The following NUDCD3 variants were observed in gnomAD, a reference collection of about 807,000 sequenced individuals.
The protein encoded by NUDCD3 is NudC domain containing 3, also known as nudC domain-containing protein 3.
Under a neutral mutation model 39.7 loss-of-function variants are expected in NUDCD3, and 13 were observed. The ratio of observed to expected loss-of-function variants is 0.33; its 90% CI spans 0.21 to 0.52. The LOEUF (loss-of-function observed/expected upper bound fraction) is 0.52. Ranked by LOEUF, NUDCD3 falls within the 20% of genes least tolerant of loss-of-function variation. NUDCD3 has a pLI of 0.96. For synonymous variants in NUDCD3, 175 were observed against 172.4 expected, an observed-to-expected ratio of 1.02 and a Z score of -0.12; for missense variants, 453 against 458.1, an observed-to-expected ratio of 0.99 and a Z score of 0.10.
chr7:44,474,703 A>C (rs1015843814), intron 2 of NUDCD3, among the ~76,000 whole-genome samples: 4 of 152,248 alleles, frequency 2.6e-5, no homozygotes, highest in African/African-American at 9.6e-5. Context: ...CAAAATAAAA[A>C]TAAACTGCAA....
At chr7:44,474,882 A>C (rs1800331330) in intron 2 of NUDCD3, among the ~76,000 whole-genome samples, 1 of 152,148 alleles carries the variant, frequency 6.6e-6, no homozygotes, top group Non-Finnish European at 1.5e-5. Context: ...TGGAAAGGTG[A>C]AATAGCAGCT....
intron 2 of NUDCD3, among the ~76,000 whole-genome samples, chr7:44,449,093 G>C (rs1258938675): frequency 2.0e-5 from 3 of 152,158 alleles, no homozygotes; most frequent in African/African-American, 7.2e-5. Context: ...TATGGCTTCA[G>C]GCTCTGGGAA....
chr7:44,419,244 C>T (rs537302885), intron 3 of NUDCD3, among the ~76,000 whole-genome samples: 2 of 152,256 alleles, frequency 1.3e-5, no homozygotes, highest in Non-Finnish European at 2.9e-5. Context: ...GAACTCAACA[C>T]AGCGTGGCAA....
At chr7:44,480,296 AAAC>A (rs1456581499) in intron 2 of NUDCD3, among the ~76,000 whole-genome samples, 1 of 152,230 alleles carries the variant, frequency 6.6e-6, no homozygotes, top group Non-Finnish European at 1.5e-5. Context: ...AAAATTAATA[AAAC>A]AAAATAAATG....
At chr7:44,468,547 G>A (rs904663700) in intron 2 of NUDCD3, among the ~76,000 whole-genome samples, 2 of 152,014 alleles carry the variant, frequency 1.3e-5, no homozygotes, top group African/African-American at 4.8e-5. Flanking sequence ...GAAGTAAAAA[G>A]ATAAATGTAA....
chr7:44,389,614 C>A (rs558183352), intron 5 of NUDCD3, among the ~76,000 whole-genome samples: 1 of 152,304 alleles, frequency 6.6e-6, no homozygotes, highest in South Asian at 2.1e-4. Flanking sequence ...AACTGCAAAG[C>A]AGGACTGAAA....
At chr7:44,472,683 T>C (rs948033108) in intron 2 of NUDCD3, among the ~76,000 whole-genome samples, 3 of 152,240 alleles carry the variant, frequency 2.0e-5, no homozygotes, top group African/African-American at 4.8e-5. Context: ...GGTTTAGTAT[T>C]TGTAGATACA....
chr7:44,462,940 C>T (rs1800043666), intron 2 of NUDCD3, among the ~76,000 whole-genome samples: 1 of 132,760 alleles, frequency 7.5e-6, no homozygotes, highest in Admixed American at 7.9e-5. Flanking sequence ...CAAGACACAA[C>T]CAGGCTGTGT....
At chr7:44,435,579 G>A (rs1799449623) in intron 2 of NUDCD3, among the ~76,000 whole-genome samples, 1 of 152,234 alleles carries the variant, frequency 6.6e-6, no homozygotes, top group African/African-American at 2.4e-5. Context: ...CATAGGAACT[G>A]TAATTTCAGA....
At chr7:44,435,056 G>A (rs1022954684) in intron 2 of NUDCD3, among the ~76,000 whole-genome samples, 1 of 152,174 alleles carries the variant, frequency 6.6e-6, no homozygotes, top group Non-Finnish European at 1.5e-5. Context: ...CATTTGGAGA[G>A]AGAAGTTATG....
chr7:44,476,864 A>G (rs1800381301), intron 2 of NUDCD3, among the ~76,000 whole-genome samples: 10 of 152,312 alleles, frequency 6.6e-5, no homozygotes, highest in Admixed American at 5.9e-4. Flanking sequence ...TGCTGGGGAA[A>G]GCGGAGGGAT....
Position 44,407,028 on chromosome 7 carries a change from A to G in NUDCD3, c.643-2445T>C, listed in dbSNP as rs149351335. Among the ~76,000 whole-genome samples the G allele has an allele frequency of 5.8e-3, 887 of 152,214 alleles. 8 individuals carry two copies. The highest frequency in any genetic ancestry group is 0.02 in the African/African-American group (834 of 41,528). ...TCTGTTTGCTACAGAAGAATGGAGG[A>G]CCTTGCTCCAAAGACACTGACCAGC... On this transcript the variant is annotated intron_variant, in intron 3 of 5. Transcript: ENST00000355451.
chr7:44,478,396 T>C (rs931930401), intron 2 of NUDCD3, among the ~76,000 whole-genome samples: 4 of 151,988 alleles, frequency 2.6e-5, no homozygotes, highest in African/African-American at 4.8e-5. Context: ...ACTAAAAAAA[T>C]ACAAAAATTA....
chr7:44,478,951 T>C (rs1800435119), intron 2 of NUDCD3, among the ~76,000 whole-genome samples: 1 of 152,192 alleles, frequency 6.6e-6, no homozygotes, highest in Non-Finnish European at 1.5e-5. Context: ...GAGGTTTAAT[T>C]GACTCGCAGT....
rs540251084 is a variant in NUDCD3, at chr7:44,407,217, C to A, written c.643-2634G>T. The stretch of plus-strand genomic sequence containing the variant: ...AGGTTTCAGACACACAGTAGACAAA[C>A]CCATCAATACGGTCCCACACTCAAG... On this transcript the variant is annotated intron_variant, in intron 3 of 5. Coordinates refer to ENST00000355451, the MANE Select transcript of NUDCD3 (RefSeq NM_015332.4). Among the ~76,000 whole-genome samples the A allele has an allele frequency of 9.3e-5, 14 of 151,094 alleles. No homozygotes were observed. The South Asian group carries it at 3.0e-3, about 32-fold the overall frequency.
chr7:44,412,851 C>G (rs1055923554), intron 3 of NUDCD3, among the ~76,000 whole-genome samples: 1 of 146,304 alleles, frequency 6.8e-6, no homozygotes, highest in African/African-American at 2.6e-5. Flanking sequence ...GGCGTGAACC[C>G]AGGGGGCGGA....
chr7:44,387,930 C>A (rs1034053063), intron 5 of NUDCD3, among the ~76,000 whole-genome samples: 1 of 152,192 alleles, frequency 6.6e-6, no homozygotes, highest in African/African-American at 2.4e-5. Flanking sequence ...ATCCTAGACA[C>A]AGACACATCT....
chr7:44,439,128 TG>T (rs1799527776), intron 2 of NUDCD3, among the ~76,000 whole-genome samples: 1 of 151,962 alleles, frequency 6.6e-6, no homozygotes, highest in Non-Finnish European at 1.5e-5. Flanking sequence ...GCGGGTGGCC[TG>T]GGGGAAAGAA....
intron 2 of NUDCD3, among the ~76,000 whole-genome samples, chr7:44,442,942 TCCA>T (rs1799619028): frequency 6.6e-6 from 1 of 152,086 alleles, no homozygotes; most frequent in African/African-American, 2.4e-5. Flanking sequence ...GACCTCGTGA[TCCA>T]CCCACCTTGG....
Sources: allele counts gnomAD v4.1 joint callset (sites outside exome capture counted in the v4.1 genomes callset), GRCh38; gene constraint gnomAD v4.1.1; transcripts MANE v1.5; gene names NCBI Gene and HGNC (gene_info 2026-07-23, HGNC 2026-07-21).